HS6ST1: variants seen among roughly 807,000 people sequenced by gnomAD.
The protein encoded by HS6ST1 is heparan sulfate 6-O-sulfotransferase 1, also known as heparan-sulfate 6-O-sulfotransferase 1.
Under a neutral mutation model 25.2 loss-of-function variants are expected in HS6ST1, and 3 were observed. That is an observed-to-expected ratio of 0.12 (90% CI 0.05 to 0.31). The LOEUF is 0.31. Among genes scored for constraint, HS6ST1 ranks in the 10% least tolerant of loss-of-function variants. HS6ST1 has a pLI of 1.00. For synonymous variants in HS6ST1, 204 were observed against 275.1 expected (o/e 0.74, Z 2.56); for missense variants, 310 against 609.6 (o/e 0.51, Z 5.18).
intron 1 of HS6ST1, among the ~76,000 whole-genome samples, chr2:128,308,632 G>A (rs1440402897): frequency 6.6e-6 from 1 of 152,222 alleles, no homozygotes; most frequent in African/African-American, 2.4e-5. Context: ...GGTAGAGACA[G>A]CCTTTTGTCA....
intron 1 of HS6ST1, among the ~76,000 whole-genome samples, chr2:128,286,476 C>T (rs764591946): frequency 2.6e-5 from 4 of 152,232 alleles, no homozygotes; most frequent in Non-Finnish European, 5.9e-5. Context: ...CCAGACAAAC[C>T]TGCAGAGCAG....
chr2:128,308,326 T>C (rs1290593602), intron 1 of HS6ST1, among the ~76,000 whole-genome samples: 1 of 152,098 alleles, frequency 6.6e-6, no homozygotes. Flanking sequence ...AGATACCATG[T>C]AGGGGGTGAT....
At chr2:128,283,000 C>T (rs549544802) in intron 1 of HS6ST1, among the ~76,000 whole-genome samples, 15 of 152,328 alleles carry the variant, frequency 9.8e-5, no homozygotes, top group African/African-American at 2.9e-4. Context: ...GGGCTGTCAT[C>T]TCCACTTTGA....
rs1284951072 is a variant in HS6ST1 at position 128,303,989 on chromosome 2, C to G, written c.527+14048G>C. 3.9e-5 allele frequency among the ~76,000 whole-genome samples: 6 copies of G among 152,344 alleles called. No homozygotes were observed. The East Asian group carries it at 1.2e-3, about 29-fold the overall frequency. ...GGTGAATCTCCTCTCTCTTCTGGAG[C>G]TGGGACACTCATCTTCTTGCCCTTG... On this transcript the variant is annotated intron_variant, in intron 1 of 1. Coordinates refer to ENST00000259241, the MANE Select transcript of HS6ST1 (RefSeq NM_004807.3).
Position 128,278,133 on chromosome 2 carries a change from G to T in HS6ST1, c.528-9263C>A, listed in dbSNP as rs1693723323. 2.0e-5 allele frequency among the ~76,000 whole-genome samples: 3 copies of T among 152,268 alleles called. No individual in the cohort carries two copies. The South Asian group carries it at 6.2e-4, about 31-fold the overall frequency. ...CCCATGAGCTCTGAGTGCCTTCCAG[G>T]CAGGAGGGCGGGGCAGGCAGGCACG... On this transcript the variant is annotated intron_variant, in intron 1 of 1. Transcript: ENST00000259241.
intron 1 of HS6ST1, among the ~76,000 whole-genome samples, chr2:128,291,205 C>T (rs1180296173): frequency 7.8e-6 from 1 of 128,870 alleles, no homozygotes; most frequent in African/African-American, 2.6e-5. Flanking sequence ...CTTGCCTGTC[C>T]TTCTTGTCTT....
intron 1 of HS6ST1, among the ~76,000 whole-genome samples, chr2:128,303,055 C>T (rs1694157177): frequency 6.6e-6 from 1 of 152,244 alleles, no homozygotes; most frequent in Non-Finnish European, 1.5e-5. Context: ...CCCCAGGAGC[C>T]AGGCCCACAC....
In HS6ST1 at chr2:128,291,608, T is replaced by A. The variant is rs1293324586; in HGVS notation, c.528-22738A>T. On this transcript the variant is annotated intron_variant, in intron 1 of 1. Coordinates refer to ENST00000259241, the MANE Select transcript of HS6ST1 (RefSeq NM_004807.3). ...TGCAGGACCTGGGTCCTCCACAGGC[T>A]GACGCCATGCCTGGGGCAAGGTGGA... Among the ~76,000 whole-genome samples, 6 of 152,332 alleles carry A rather than the reference T, an allele frequency of 3.9e-5. No homozygotes were observed. The East Asian group carries it at 1.2e-3, about 29-fold the overall frequency.
intron 1 of HS6ST1, 37 bp downstream of exon 1, chr2:128,318,000 C>G (rs1055598594): frequency 2.8e-5 from 39 of 1,414,804 alleles, no homozygotes; most frequent in Non-Finnish European, 3.6e-5. Context: ...GCCTCGGGGG[C>G]GCAGCTGCGC....
At chr2:128,315,404 C>A (rs1047013061) in intron 1 of HS6ST1, among the ~76,000 whole-genome samples, 1 of 152,204 alleles carries the variant, frequency 6.6e-6, no homozygotes, top group African/African-American at 2.4e-5. Flanking sequence ...GAGACCCTCC[C>A]AAACCGCAGC....
intron 1 of HS6ST1, among the ~76,000 whole-genome samples, chr2:128,306,260 GC>G (rs888635950): frequency 6.6e-6 from 1 of 152,290 alleles, no homozygotes; most frequent in African/African-American, 2.4e-5. Flanking sequence ...GCCTTCCCTG[GC>G]TTTCCCTCCA....
At chr2:128,297,590 G>A (rs1694058518) in intron 1 of HS6ST1, among the ~76,000 whole-genome samples, 1 of 152,224 alleles carries the variant, frequency 6.6e-6, no homozygotes, top group Non-Finnish European at 1.5e-5. Flanking sequence ...CACTTTGGGA[G>A]GCCGAGGTGG....
intron 1 of HS6ST1, among the ~76,000 whole-genome samples, chr2:128,279,156 C>T (rs1328058833): frequency 1.3e-5 from 2 of 152,072 alleles, no homozygotes; most frequent in Non-Finnish European, 2.9e-5. Context: ...CCCTCCCCTC[C>T]CATGCCCGAA....
At chr2:128,275,134 G>A (rs1348259855) in intron 1 of HS6ST1, among the ~76,000 whole-genome samples, 1 of 152,088 alleles carries the variant, frequency 6.6e-6, no homozygotes, top group Non-Finnish European at 1.5e-5. Flanking sequence ...CAAGTAAAAA[G>A]ACATAGCAAT....
chr2:128,314,129 A>G (rs1037838228), intron 1 of HS6ST1, among the ~76,000 whole-genome samples: 3 of 152,044 alleles, frequency 2.0e-5, no homozygotes, highest in Non-Finnish European at 4.4e-5. Flanking sequence ...TGTCCCCATC[A>G]CAGCAGATGA....
chr2:128,270,044 C>G (rs1208306590), intron 1 of HS6ST1, among the ~76,000 whole-genome samples: 1 of 152,188 alleles, frequency 6.6e-6, no homozygotes, highest in East Asian at 1.9e-4. Flanking sequence ...TGCAGGCCAC[C>G]CCCGCCTATG....
chr2:128,282,369 C>T (rs1222937832), intron 1 of HS6ST1, among the ~76,000 whole-genome samples: 4 of 152,350 alleles, frequency 2.6e-5, no homozygotes, highest in Non-Finnish European at 5.9e-5. Context: ...CCTGGTGGTA[C>T]CTCACTGTGG....
chr2:128,312,789 G>A (rs953010126), intron 1 of HS6ST1, among the ~76,000 whole-genome samples: 21 of 152,352 alleles, frequency 1.4e-4, no homozygotes, highest in African/African-American at 4.6e-4. Context: ...GGCTGGTGCG[G>A]TGGCTCACAC....
chr2:128,278,258 T>C (rs1693725467), intron 1 of HS6ST1, among the ~76,000 whole-genome samples: 1 of 152,270 alleles, frequency 6.6e-6, no homozygotes, highest in Non-Finnish European at 1.5e-5. Flanking sequence ...GGCTTCATTT[T>C]GTCTCCTCTG....
Sources: gnomAD v4.1 joint callset for allele counts (sites outside exome capture counted in the v4.1 genomes callset) on GRCh38, gnomAD v4.1.1 for gene constraint, MANE v1.5 for transcripts, NCBI Gene and HGNC (gene_info 2026-07-23, HGNC 2026-07-21) for gene names.